The following SKAP2 variants were observed in gnomAD, a reference collection of about 807,000 sequenced individuals.
SKAP2 encodes the protein src kinase associated phosphoprotein 2.
In SKAP2, 28 loss-of-function variants were observed where a neutral mutation model predicts 54.9. The observed-to-expected ratio is 0.51, with a 90% CI of 0.38 to 0.70. The LOEUF is 0.70. Ranked by LOEUF, SKAP2 falls within the 30% of genes least tolerant of loss-of-function variation. SKAP2 has a pLI of 0.00. For synonymous variants in SKAP2, 137 were observed against 134.3 expected (o/e 1.02, Z -0.14); for missense variants, 356 against 424.1 (o/e 0.84, Z 1.41).
At chr7:26,723,991 C>A (rs536087539) in intron 9 of SKAP2, among the ~76,000 whole-genome samples, 16 of 151,964 alleles carry the variant, frequency 1.1e-4, no homozygotes, top group Non-Finnish European at 5.9e-5. Flanking sequence ...ACTGATGCTA[C>A]AGCAGATGCC....
At chr7:26,768,711 T>G (rs1205512087) in intron 4 of SKAP2, among the ~76,000 whole-genome samples, 1 of 152,200 alleles carries the variant, frequency 6.6e-6, no homozygotes, top group African/African-American at 2.4e-5. Context: ...TCTCCTTGGC[T>G]TGTGAAGCTC....
intron 4 of SKAP2, among the ~76,000 whole-genome samples, chr7:26,825,118 A>C (rs780860480): frequency 6.6e-6 from 1 of 152,260 alleles, no homozygotes; most frequent in East Asian, 1.9e-4. Context: ...TCTTGCACCT[A>C]ATCAGTTTTC....
At chr7:26,735,384 T>C (rs890940701) in intron 6 of SKAP2, among the ~76,000 whole-genome samples, 1 of 152,176 alleles carries the variant, frequency 6.6e-6, no homozygotes, top group Admixed American at 6.5e-5. Context: ...ATACATACTA[T>C]ATGTATTTGT....
chr7:26,862,377 C>T (rs1179182141), intron 1 of SKAP2, among the ~76,000 whole-genome samples: 3 of 151,986 alleles, frequency 2.0e-5, no homozygotes, highest in African/African-American at 4.8e-5. Flanking sequence ...TACGCCCCAA[C>T]TCACTTCCAT....
At chr7:26,820,126 T>G (rs1784359789) in intron 4 of SKAP2, among the ~76,000 whole-genome samples, 1 of 152,192 alleles carries the variant, frequency 6.6e-6, no homozygotes, top group Admixed American at 6.6e-5. Context: ...AAGGCTGTAG[T>G]GCACTATGAT....
At chr7:26,716,044 A>C (rs1350255380) in intron 9 of SKAP2, among the ~76,000 whole-genome samples, 1 of 152,214 alleles carries the variant, frequency 6.6e-6, no homozygotes, top group Non-Finnish European at 1.5e-5. Flanking sequence ...TAATTTGTTG[A>C]GAGTTTAACT....
At chr7:26,830,672 TTTC>T (rs1455611187) in intron 4 of SKAP2, among the ~76,000 whole-genome samples, 1 of 152,146 alleles carries the variant, frequency 6.6e-6, no homozygotes, top group African/African-American at 2.4e-5. Context: ...GCAGAGATAT[TTTC>T]TTCAATAGTA....
intron 9 of SKAP2, among the ~76,000 whole-genome samples, chr7:26,723,553 A>T (rs1219187452): frequency 6.6e-6 from 1 of 152,102 alleles, no homozygotes; most frequent in Non-Finnish European, 1.5e-5. Context: ...AGGGTGGGTG[A>T]GGAGGGGGGC....
chr7:26,787,407 C>T (rs918130557), intron 4 of SKAP2, among the ~76,000 whole-genome samples: 2 of 152,024 alleles, frequency 1.3e-5, no homozygotes, highest in Non-Finnish European at 2.9e-5. Context: ...ACTGCAACCT[C>T]TGCCTCCTGG....
chr7:26,701,649 C>A (rs537938864), intron 9 of SKAP2, among the ~76,000 whole-genome samples: 1 of 151,982 alleles, frequency 6.6e-6, no homozygotes, highest in Admixed American at 6.6e-5. Context: ...TGCTTGAACC[C>A]GGGAGGTGGA....
chr7:26,738,104 G>A (rs13234201), intron 6 of SKAP2, among the ~76,000 whole-genome samples: 103,689 of 151,958 alleles, frequency 0.68, 35,665 homozygotes, highest in East Asian at 0.88. Context: ...CCTAGGCACC[G>A]AGACAAGACC....
intron 4 of SKAP2, among the ~76,000 whole-genome samples, chr7:26,836,950 G>C (rs1223540946): frequency 6.6e-6 from 1 of 152,118 alleles, no homozygotes; most frequent in Non-Finnish European, 1.5e-5. Context: ...ATGCATCAAT[G>C]ATAGACTGGG....
chr7:26,714,489 T>TA (rs558926269), intron 9 of SKAP2, among the ~76,000 whole-genome samples: 2 of 150,858 alleles, frequency 1.3e-5, no homozygotes, highest in Non-Finnish European at 1.5e-5. Flanking sequence ...TTGATTAAGT[T>TA]AAATTGGATT....
At chr7:26,740,578 A>T (rs1013472616) in intron 4 of SKAP2, among the ~76,000 whole-genome samples, 3 of 152,202 alleles carry the variant, frequency 2.0e-5, no homozygotes, top group African/African-American at 7.2e-5. Flanking sequence ...CCCTAAAAAA[A>T]GTTTTTAAAT....
chr7:26,821,147 T>A (rs1307495667), intron 4 of SKAP2, among the ~76,000 whole-genome samples: 1 of 152,172 alleles, frequency 6.6e-6, no homozygotes, highest in African/African-American at 2.4e-5. Flanking sequence ...AAATTTAGTA[T>A]GCAGATACTA....
intron 4 of SKAP2, among the ~76,000 whole-genome samples, chr7:26,829,403 T>C (rs1784558449): frequency 6.6e-6 from 1 of 152,002 alleles, no homozygotes; most frequent in Non-Finnish European, 1.5e-5. Flanking sequence ...ATTAGTTGGG[T>C]GTAGTCGTAT....
intron 4 of SKAP2, among the ~76,000 whole-genome samples, chr7:26,789,739 C>T (rs574089322): frequency 1.3e-5 from 2 of 152,232 alleles, no homozygotes; most frequent in East Asian, 1.9e-4. Flanking sequence ...TGTTTAATGC[C>T]GCACTAATTA....
intron 4 of SKAP2, among the ~76,000 whole-genome samples, chr7:26,820,742 C>A (rs1784369591): frequency 6.7e-6 from 1 of 149,238 alleles, no homozygotes. Flanking sequence ...TTTAGCTACT[C>A]ACAATATGAT....
At chr7:26,755,229 T>C (rs955833561) in intron 4 of SKAP2, among the ~76,000 whole-genome samples, 3 of 150,246 alleles carry the variant, frequency 2.0e-5, no homozygotes, top group African/African-American at 7.6e-5. Flanking sequence ...AATGTACTTT[T>C]ACAAATACAA....
Sources: allele counts gnomAD v4.1 joint callset (sites outside exome capture counted in the v4.1 genomes callset), GRCh38; gene constraint gnomAD v4.1.1; transcripts MANE v1.5; gene names NCBI Gene and HGNC (gene_info 2026-07-23, HGNC 2026-07-21).